Variants in F8 observed in about 807,000 individuals in gnomAD.
F8 encodes the protein antihemophilic factor.
Under a neutral mutation model 140.6 loss-of-function variants are expected in F8, and 12 were observed. That is an observed-to-expected ratio of 0.09 (90% CI 0.05 to 0.14). F8 has a LOEUF of 0.14. Ranked by LOEUF, F8 falls within the 10% of genes least tolerant of loss-of-function variation. The pLI is 1.00. For synonymous variants in F8, 585 were observed against 614.6 expected, an observed-to-expected ratio of 0.95 and a Z score of 0.71; for missense variants, 1,354 against 1,720.7, an observed-to-expected ratio of 0.79 and a Z score of 3.77.
chrX:154,919,503 C>T, intron 14 of F8: 2 of 419,466 alleles, frequency 4.8e-6, no homozygotes, highest in Non-Finnish European at 3.6e-6. Context: ...ATCTGGCTTT[C>T]CCTGGTCCTC....
At chrX:154,968,196 C>T (rs898228347) in intron 7 of F8, among the ~76,000 whole-genome samples, 11 of 111,424 alleles carry the variant, frequency 9.9e-5, no homozygotes, top group Non-Finnish European at 1.7e-4. Flanking sequence ...AGCGTTCCAC[C>T]CTCATGAATG....
chrX:154,873,812 C>T (rs1557273804), intron 22 of F8, among the ~76,000 whole-genome samples: 7 of 111,332 alleles, frequency 6.3e-5, no homozygotes, highest in Non-Finnish European at 1.9e-5. Context: ...GAAATTGGGC[C>T]CTTTTCTCAC....
chrX:154,964,473 T>C (rs1237958822), intron 9 of F8, among the ~76,000 whole-genome samples: 1 of 111,950 alleles, frequency 8.9e-6, no homozygotes, highest in Non-Finnish European at 1.9e-5. Flanking sequence ...GTCATACAGA[T>C]ATCAAACATA....
intron 22 of F8, chrX:154,882,094 TGCTA>T (rs2072867912): frequency 3.7e-6 from 1 of 270,199 alleles, no homozygotes; most frequent in Non-Finnish European, 6.2e-6. Flanking sequence ...ACTTCCCCCT[TGCTA>T]TTCTTCTGAT....
Position 154,969,351 on chromosome X carries a change from T to G in F8, c.989A>C (p.His330Pro). 1 of 1,210,616 alleles carries G rather than the reference T, an allele frequency of 8.3e-7. No homozygotes were observed. The highest frequency in any genetic ancestry group is 1.1e-6 in the Non-Finnish European group (1 of 894,303). ...MDLGQFLLFC[H>P]ISSHQHDGME... ...ATTACCATGTTGGTGGGAAGAGATA[T>G]GACAAAACAGTAGAAACTGTCCAAG... Residue 330 changes from histidine (H) to proline (P), a missense_variant, in exon 7 of 26, where the codon CAT becomes CCT. Physicochemically the swap from His to Pro is moderately conservative, Grantham distance 77. Around this residue, in one of 4 missense-constraint regions of F8, gnomAD observed 252 missense variants for 338.5 expected, o/e 0.74. Transcript: ENST00000360256.
intron 1 of F8, among the ~76,000 whole-genome samples, chrX:155,006,353 G>C (rs1222405683): frequency 1.6e-5 from 1 of 63,331 alleles, no homozygotes; most frequent in East Asian, 4.7e-4. Flanking sequence ...AGAACCAGAG[G>C]AACGCTGTGG....
At chrX:154,939,866 C>T (rs1202524861) in intron 13 of F8, among the ~76,000 whole-genome samples, 1 of 112,194 alleles carries the variant, frequency 8.9e-6, no homozygotes, top group African/African-American at 3.2e-5. Context: ...CCAATATCTG[C>T]TGTTCTGCAG....
At chrX:154,851,897 G>A (rs2072617920) in intron 25 of F8, among the ~76,000 whole-genome samples, 1 of 111,566 alleles carries the variant, frequency 9.0e-6, no homozygotes, top group African/African-American at 3.2e-5. Context: ...ATGTACAAAA[G>A]CTTTTAACTT....
intron 25 of F8, among the ~76,000 whole-genome samples, chrX:154,853,547 C>T (rs1198345345): frequency 6.3e-5 from 7 of 111,282 alleles, no homozygotes; most frequent in South Asian, 3.8e-4. Context: ...ATCCTGGAGG[C>T]CTAAACTGGA....
At chrX:154,945,075 C>T (rs1029835191) in intron 13 of F8, among the ~76,000 whole-genome samples, 40 of 109,996 alleles carry the variant, frequency 3.6e-4, no homozygotes, top group African/African-American at 1.2e-3. Flanking sequence ...TGCTAAATGA[C>T]GAGTTAATGG....
At chrX:154,847,216 A>AT in intron 25 of F8, among the ~76,000 whole-genome samples, 1 of 111,112 alleles carries the variant, frequency 9.0e-6, no homozygotes, top group East Asian at 2.8e-4. Context: ...TGCCCTTAAC[A>AT]TTTTTTCCTT....
In F8 at chrX:154,904,885, C is replaced by T; in HGVS notation, c.5512G>A (p.Val1838Met). ...PNETKTYFWK[V>M]QHHMAPTKDE... ...TTAGTGGGTGCCATATGATGTTGCA[C>T]TTTCCAAAAGTAAGTTTTGGTTTCA... The change falls in exon 16 of 26, where the codon GTG becomes ATG. Residue 1838 changes from valine (V) to methionine (M), a missense_variant. Coordinates refer to ENST00000360256, the MANE Select transcript of F8 (RefSeq NM_000132.4). The T allele has an allele frequency of 8.3e-7, 1 of 1,211,136 alleles. No individual in the cohort carries two copies. Among genetic ancestry groups the T allele is most frequent in the South Asian group, 1.8e-5 (1 of 56,954 alleles).
intron 6 of F8, among the ~76,000 whole-genome samples, chrX:154,973,529 A>G (rs2073469324): frequency 8.9e-6 from 1 of 112,298 alleles, no homozygotes; most frequent in Admixed American, 9.4e-5. Flanking sequence ...AATATTTTAT[A>G]GTTTTCATTA....
At chrX:154,919,454 T>C (rs1484189224) in intron 14 of F8, 1 of 212,403 alleles carries the variant, frequency 4.7e-6, no homozygotes, top group African/African-American at 3.1e-5. Flanking sequence ...ATTATTATGT[T>C]AGAGCAAGTG....
intron 4 of F8, among the ~76,000 whole-genome samples, chrX:154,990,419 C>T (rs1557284563): frequency 2.7e-5 from 3 of 111,702 alleles, no homozygotes; most frequent in Non-Finnish European, 5.6e-5. Context: ...TTAGAGTCAA[C>T]ATTTTACCAT....
chrX:155,016,597 C>T (rs948824573), intron 1 of F8, among the ~76,000 whole-genome samples: 3 of 112,688 alleles, frequency 2.7e-5, no homozygotes, highest in African/African-American at 6.4e-5. Flanking sequence ...CTTTATACAA[C>T]AACCTGCATG....
intron 13 of F8, among the ~76,000 whole-genome samples, chrX:154,939,132 C>T (rs1287554032): frequency 8.1e-5 from 9 of 111,049 alleles, no homozygotes; most frequent in Middle Eastern, 4.2e-3. Context: ...ACTGAGGTAC[C>T]GGGTTCATCT....
Position 154,863,162 on chromosome X carries a change from A to C in F8, c.6495T>G (p.Ala2165=). The change falls in exon 23 of 26, where the codon GCT becomes GCG. Residue 2165 remains alanine (A), a synonymous_variant. Coordinates refer to ENST00000360256, the MANE Select transcript of F8 (RefSeq NM_000132.4). ...GAGTTGGGTGCAAACGGATGTATCG[A>C]GCAATAATTGGAGGGTTAAAAATAT... ...KHNIFNPPII[A]RYIRLHPTHY... is the part of the protein sequence containing the mutation. The C allele has an allele frequency of 5.8e-6, 7 of 1,209,762 alleles. No individual in the cohort carries two copies. Among genetic ancestry groups the C allele is most frequent in the Non-Finnish European group, 7.8e-6 (7 of 893,442 alleles).
At chrX:154,924,941 C>T (rs1189215087) in intron 14 of F8, among the ~76,000 whole-genome samples, 2 of 112,080 alleles carry the variant, frequency 1.8e-5, no homozygotes, top group Non-Finnish European at 1.9e-5. Context: ...GGATCCTGGG[C>T]CCAGCCCATG....
Sources: allele counts gnomAD v4.1 joint callset (sites outside exome capture counted in the v4.1 genomes callset), GRCh38; gene constraint gnomAD v4.1.1; regional missense constraint gnomAD v4.1.1; transcripts MANE v1.5; gene names NCBI Gene and HGNC (gene_info 2026-07-23, HGNC 2026-07-21).